The following CHRM5 variants were observed in gnomAD, a reference collection of about 807,000 sequenced individuals.
CHRM5 encodes the protein cholinergic receptor muscarinic 5.
In CHRM5, 18 loss-of-function variants were observed where a neutral mutation model predicts 39.0. That is an observed-to-expected ratio of 0.46 (90% CI 0.32 to 0.68). The LOEUF (loss-of-function observed/expected upper bound fraction) is 0.68. Ranked by LOEUF, CHRM5 falls within the 30% of genes least tolerant of loss-of-function variation. The pLI is 0.04. For synonymous variants in CHRM5, 241 were observed against 246.3 expected, an observed-to-expected ratio of 0.98 and a Z score of 0.20; for missense variants, 515 against 651.1, an observed-to-expected ratio of 0.79 and a Z score of 2.28.
At position 33,969,637 on chromosome 15, in the gene CHRM5, T is replaced by C. The variant is rs141554285; in HGVS notation, c.-408+487T>C. 2.9e-3 allele frequency among the ~76,000 whole-genome samples: 440 copies of C among 152,208 alleles called. 1 individual carries two copies. Among genetic ancestry groups the C allele is most frequent in the African/African-American group, 9.7e-3 (405 of 41,580 alleles). ...AAGAAAAAAAAGCTGTGATGTCATTTCATTCATACTAAAGAAAAATAATCT... is the reference window on the plus strand; with the variant it reads ...AAGAAAAAAAAGCTGTGATGTCATTCCATTCATACTAAAGAAAAATAATCT... On this transcript the variant is annotated intron_variant, in intron 1 of 2. Coordinates refer to ENST00000383263, the MANE Select transcript of CHRM5 (RefSeq NM_012125.4).
chr15:34,062,058 T>C (rs867130636), intron 2 of CHRM5, among the ~76,000 whole-genome samples: 4 of 152,158 alleles, frequency 2.6e-5, no homozygotes, highest in African/African-American at 9.7e-5. Flanking sequence ...CCATTTTTTT[T>C]CCTTTCCCTT....
chr15:34,014,031 A>T (rs1567467140), intron 1 of CHRM5, among the ~76,000 whole-genome samples: 1 of 152,118 alleles, frequency 6.6e-6, no homozygotes, highest in Non-Finnish European at 1.5e-5. Flanking sequence ...GTTCAAAACA[A>T]AACCCGGGGA....
chr15:34,012,390 C>T (rs1897675266), intron 1 of CHRM5, among the ~76,000 whole-genome samples: 1 of 151,948 alleles, frequency 6.6e-6, no homozygotes, highest in Non-Finnish European at 1.5e-5. Flanking sequence ...ATATAAATAC[C>T]CTGAGCATTT....
At chr15:34,019,864 C>G (rs531701266) in intron 1 of CHRM5, among the ~76,000 whole-genome samples, 1 of 152,078 alleles carries the variant, frequency 6.6e-6, no homozygotes, top group Non-Finnish European at 1.5e-5. Context: ...AGACTATATC[C>G]CCATTAAGCA....
chr15:34,054,761 A>T (rs1024944553), intron 2 of CHRM5, among the ~76,000 whole-genome samples: 1 of 152,184 alleles, frequency 6.6e-6, no homozygotes, highest in Non-Finnish European at 1.5e-5. Context: ...TAATGGGATG[A>T]TGTGTGCAGC....
chr15:33,971,143 G>A (rs1408572886), intron 1 of CHRM5, among the ~76,000 whole-genome samples: 1 of 152,002 alleles, frequency 6.6e-6, no homozygotes, highest in Admixed American at 6.6e-5. Flanking sequence ...TTTTATGCTA[G>A]TACCTGAAGA....
chr15:34,016,929 G>C (rs1897939873), intron 1 of CHRM5, among the ~76,000 whole-genome samples: 1 of 152,060 alleles, frequency 6.6e-6, no homozygotes, highest in Non-Finnish European at 1.5e-5. Context: ...AGGAATTCAA[G>C]ATCAGCCCGG....
At chr15:34,038,690 G>A (rs1258330191) in intron 1 of CHRM5, 3 of 1,073,474 alleles carry the variant, frequency 2.8e-6, no homozygotes, top group Non-Finnish European at 3.4e-6. Flanking sequence ...CGCGCGCCTG[G>A]CACGCTCTCT....
At chr15:33,985,094 A>G (rs1404414002) in intron 1 of CHRM5, among the ~76,000 whole-genome samples, 2 of 152,086 alleles carry the variant, frequency 1.3e-5, no homozygotes, top group African/African-American at 4.8e-5. Context: ...TGGTTTCCTC[A>G]CATCTATATC....
At chr15:34,025,128 C>G (rs1373838799) in intron 1 of CHRM5, among the ~76,000 whole-genome samples, 5 of 152,014 alleles carry the variant, frequency 3.3e-5, no homozygotes, top group Non-Finnish European at 7.4e-5. Context: ...AGAGATCGCA[C>G]CACTGCACTC....
At chr15:34,020,516 A>G (rs187890423) in intron 1 of CHRM5, among the ~76,000 whole-genome samples, 1 of 152,208 alleles carries the variant, frequency 6.6e-6, no homozygotes, top group Admixed American at 6.5e-5. Context: ...TGTTAACTAA[A>G]GGGTTAATGC....
Position 34,066,862 on chromosome 15 carries a change from T to G in CHRM5, c.*2546T>G, listed in dbSNP as rs1900525025. 6.6e-6 allele frequency: 1 copy of G among 151,948 alleles called. No individual in the cohort carries two copies. Among genetic ancestry groups the G allele is most frequent in the Admixed American group, 6.6e-5 (1 of 15,244 alleles). 9.4% of individuals were successfully genotyped at this position (151,948 alleles called of 1,614,324 possible). A position where few individuals can be genotyped will look rare whatever the true frequency, so the allele number is the denominator to read the frequency against. ...AGGTCAATGCTTCTTTTTTTATCAT[T>G]GGTTTTGGAAAGCAGCCAGTTTTGC... On this transcript the variant is annotated 3_prime_UTR_variant, in exon 3 of 3. Coordinates refer to ENST00000383263, the MANE Select transcript of CHRM5 (RefSeq NM_012125.4).
chr15:33,993,672 T>C (rs1390632207), intron 1 of CHRM5, among the ~76,000 whole-genome samples: 1 of 152,062 alleles, frequency 6.6e-6, no homozygotes, highest in Non-Finnish European at 1.5e-5. Flanking sequence ...TAAATAACAA[T>C]CATCCAGGCC....
At chr15:34,054,270 C>G (rs1175528939) in intron 2 of CHRM5, among the ~76,000 whole-genome samples, 2 of 152,158 alleles carry the variant, frequency 1.3e-5, no homozygotes, top group Non-Finnish European at 2.9e-5. Context: ...TACTGTGTGG[C>G]AATTCCTCAA....
intron 1 of CHRM5, among the ~76,000 whole-genome samples, chr15:34,008,945 TGCGC>T (rs71119911): frequency 0.58 from 86,638 of 148,832 alleles, 29,171 homozygotes; most frequent in Non-Finnish European, 0.75. Context: ...CACTCACACG[TGCGC>T]GCGCGCACAC....
chr15:34,011,247 C>A (rs1897625650), intron 1 of CHRM5, among the ~76,000 whole-genome samples: 1 of 151,964 alleles, frequency 6.6e-6, no homozygotes, highest in East Asian at 1.9e-4. Flanking sequence ...GCAGGGGGAA[C>A]TACGCTAGCA....
chr15:34,050,840 G>A lies in CHRM5; in HGVS notation c.-76+3969G>A, dbSNP rs1031671933. Among the ~76,000 whole-genome samples the A allele has an allele frequency of 4.6e-5, 7 of 152,254 alleles. No individual in the cohort carries two copies. In the South Asian group the frequency reaches 1.5e-3, roughly 32 times the overall value. On this transcript the variant is annotated intron_variant, in intron 2 of 2. Coordinates refer to ENST00000383263, the MANE Select transcript of CHRM5 (RefSeq NM_012125.4). ...TATGCACCCAATACAGGAGCACCCAGATTCATAAAACAAGTTCTTAGAGAC... is the reference window on the plus strand; with the variant it reads ...TATGCACCCAATACAGGAGCACCCAAATTCATAAAACAAGTTCTTAGAGAC...
At chr15:34,039,251 A>G (rs1899351816) in intron 1 of CHRM5, 1 of 236,960 alleles carries the variant, frequency 4.2e-6, no homozygotes, top group Non-Finnish European at 7.1e-6. Context: ...GTGGGGCCGG[A>G]ACCGGGACCG....
chr15:33,980,004 T>C (rs1168882647), intron 1 of CHRM5, among the ~76,000 whole-genome samples: 1 of 152,174 alleles, frequency 6.6e-6, no homozygotes, highest in Non-Finnish European at 1.5e-5. Flanking sequence ...CAGCTCACTT[T>C]TTCACTATGA....
Sources: allele counts gnomAD v4.1 joint callset (sites outside exome capture counted in the v4.1 genomes callset), GRCh38; gene constraint gnomAD v4.1.1; transcripts MANE v1.5; gene names NCBI Gene and HGNC (gene_info 2026-07-23, HGNC 2026-07-21).